The following FCHSD2 variants were observed in gnomAD, a reference collection of about 807,000 sequenced individuals.
The protein encoded by FCHSD2 is FCH and double SH3 domains 2.
In FCHSD2, 38 loss-of-function variants were observed where a neutral mutation model predicts 108.1. The ratio of observed to expected loss-of-function variants is 0.35; its 90% CI spans 0.27 to 0.46. The LOEUF (loss-of-function observed/expected upper bound fraction) is 0.46. Among genes scored for constraint, FCHSD2 ranks in the 20% least tolerant of loss-of-function variants. The probability of loss-of-function intolerance (pLI) is 1.00; values close to 1 mark genes in which losing one functional copy is unlikely to be tolerated. For missense variants in FCHSD2, 751 were observed against 897.8 expected (o/e 0.84, Z 2.09); for synonymous variants, 279 against 314.7 (o/e 0.89, Z 1.20).
At chr11:73,137,344 A>G (rs1861142982) in intron 2 of FCHSD2, among the ~76,000 whole-genome samples, 1 of 152,192 alleles carries the variant, frequency 6.6e-6, no homozygotes, top group Non-Finnish European at 1.5e-5. Flanking sequence ...AAAACCTGTT[A>G]ATCCTTGGAG....
In FCHSD2 at chr11:72,887,718, A is replaced by G. The variant is rs1855227955; in HGVS notation, c.1042-144T>C. The G allele has an allele frequency of 1.8e-5, 10 of 545,752 alleles. No homozygotes were observed. The East Asian group carries it at 3.6e-4, about 20-fold the overall frequency. The allele number at this position is 545,752 out of a possible 1,614,324, so 33.8% of individuals were successfully genotyped here. A position where few individuals can be genotyped will look rare whatever the true frequency, so the allele number is the denominator to read the frequency against. ...ATTTATTTATTTTTTGAACATTTTG[A>G]AATAATTATAGACTTACTAGTAACA... On this transcript the variant is annotated intron_variant, in intron 11 of 19. Transcript: ENST00000409418.
At chr11:73,058,498 T>C (rs771683163) in intron 3 of FCHSD2, among the ~76,000 whole-genome samples, 3 of 152,070 alleles carry the variant, frequency 2.0e-5, no homozygotes, top group Non-Finnish European at 2.9e-5. Flanking sequence ...ATAGTTAAAT[T>C]AGGGAAAGGC....
At chr11:73,070,264 T>C (rs182222664) in intron 3 of FCHSD2, among the ~76,000 whole-genome samples, 170 of 152,342 alleles carry the variant, frequency 1.1e-3, no homozygotes, top group Non-Finnish European at 1.9e-3. Context: ...TTATATGGCA[T>C]AGGCCCTGTC....
chr11:72,996,564 C>A (rs1857522401), intron 5 of FCHSD2, among the ~76,000 whole-genome samples: 1 of 152,024 alleles, frequency 6.6e-6, no homozygotes, highest in African/African-American at 2.4e-5. Context: ...TTCTCATAAT[C>A]CTCATTATAA....
chr11:72,944,380 G>A lies in FCHSD2; in HGVS notation c.706-22430C>T, dbSNP rs1336179617. Among the ~76,000 whole-genome samples, 4 of 152,164 alleles carry A rather than the reference G, an allele frequency of 2.6e-5. No homozygotes were observed. In the East Asian group the frequency reaches 7.7e-4, roughly 29 times the overall value. On this transcript the variant is annotated intron_variant, in intron 8 of 19. Transcript: ENST00000409418. ...CATTCTAAAAACTCTCAATAAATTA[G>A]GTATTGATGGGACGTATCTCAAAAT...
intron 3 of FCHSD2, among the ~76,000 whole-genome samples, chr11:73,041,268 C>G (rs1483814212): frequency 6.6e-6 from 1 of 152,076 alleles, no homozygotes; most frequent in South Asian, 2.1e-4. Flanking sequence ...CTGGATCATA[C>G]GGTAGTTCTA....
At position 72,961,616 on chromosome 11, in the gene FCHSD2, A is replaced by G. The variant is rs145197131; in HGVS notation, c.705+22472T>C. Among the ~76,000 whole-genome samples, 19 of 152,284 alleles carry G rather than the reference A, an allele frequency of 1.2e-4. No homozygotes were observed. In the East Asian group the frequency reaches 3.5e-3, roughly 28 times the overall value. On this transcript the variant is annotated intron_variant, in intron 8 of 19. Transcript: ENST00000409418. ...ATGGATACTTTTGAGAAATGAATCT[A>G]AAGTGACTTGAAGACAGCAATTCCC...
rs189800067 is a variant in FCHSD2, at chr11:72,858,155, A to G, written c.1309-8266T>C. Among the ~76,000 whole-genome samples the G allele has an allele frequency of 7.2e-3, 1,102 of 152,354 alleles. 5 individuals carry two copies. The highest frequency in any genetic ancestry group is 0.014 in the Middle Eastern group (4 of 294). ...TAAAGAATCTGGTAATACCTAATAC[A>G]GAGGAAGACAGCTCCTCAATATTTA... On this transcript the variant is annotated intron_variant, in intron 13 of 19. Coordinates refer to ENST00000409418, the MANE Select transcript of FCHSD2 (RefSeq NM_014824.3).
intron 8 of FCHSD2, among the ~76,000 whole-genome samples, chr11:72,927,405 G>C (rs1227517082): frequency 2.6e-5 from 4 of 152,206 alleles, no homozygotes; most frequent in Non-Finnish European, 5.9e-5. Flanking sequence ...TGATGATGGT[G>C]TCAGTGTAGG....
intron 3 of FCHSD2, among the ~76,000 whole-genome samples, chr11:73,058,630 C>T: frequency 7.0e-6 from 1 of 143,564 alleles, no homozygotes. Context: ...GAGTCTTGCT[C>T]TGTCGCCCAG....
chr11:73,104,166 G>A (rs1860287086), intron 2 of FCHSD2, among the ~76,000 whole-genome samples: 1 of 152,198 alleles, frequency 6.6e-6, no homozygotes, highest in African/African-American at 2.4e-5. Context: ...CTGCCACTTG[G>A]CATTAGTGAG....
intron 1 of FCHSD2, among the ~76,000 whole-genome samples, 171 bp downstream of exon 1, chr11:73,141,686 G>A (rs1319738431): frequency 6.6e-6 from 1 of 152,208 alleles, no homozygotes; most frequent in Non-Finnish European, 1.5e-5. Flanking sequence ...CTGTCGGAAA[G>A]GCAACTCACA....
intron 2 of FCHSD2, among the ~76,000 whole-genome samples, chr11:73,119,930 A>T (rs1860691768): frequency 6.6e-6 from 1 of 152,210 alleles, no homozygotes; most frequent in South Asian, 2.1e-4. Context: ...CAAAAGAAAG[A>T]AGTTTAATTG....
intron 13 of FCHSD2, among the ~76,000 whole-genome samples, chr11:72,854,430 C>CCTAT (rs1371841512): frequency 1.3e-5 from 2 of 152,162 alleles, no homozygotes; most frequent in South Asian, 2.1e-4. Context: ...TGTCTGTCTA[C>CCTAT]CTATCTGTCT....
chr11:72,966,098 C>A (rs2135378830), intron 8 of FCHSD2, among the ~76,000 whole-genome samples: 1 of 151,564 alleles, frequency 6.6e-6, no homozygotes, highest in East Asian at 1.9e-4. Context: ...ATATAACTAC[C>A]AGCGTGATGG....
intron 3 of FCHSD2, among the ~76,000 whole-genome samples, chr11:73,064,350 G>A (rs1043372837): frequency 6.6e-6 from 1 of 152,018 alleles, no homozygotes; most frequent in African/African-American, 2.4e-5. Flanking sequence ...ATCTAAAATT[G>A]ATACCCTAAC....
At chr11:72,907,812 C>T (rs1359964791) in intron 9 of FCHSD2, among the ~76,000 whole-genome samples, 2 of 152,000 alleles carry the variant, frequency 1.3e-5, no homozygotes, top group Non-Finnish European at 2.9e-5. Context: ...CCAGGATGGT[C>T]TCGATCTCCT....
At chr11:72,896,247 T>C (rs1279032219) in intron 10 of FCHSD2, among the ~76,000 whole-genome samples, 3 of 152,178 alleles carry the variant, frequency 2.0e-5, no homozygotes, top group African/African-American at 7.2e-5. Flanking sequence ...GATCTTGTTA[T>C]TTGCTGTTCA....
At position 72,985,080 on chromosome 11, in the gene FCHSD2, TA is replaced by T; in HGVS notation, c.557del (p.Leu186TyrfsTer6). 7.9e-7 allele frequency: 1 copy of T among 1,269,170 alleles called. No individual in the cohort carries two copies. Among genetic ancestry groups the T allele is most frequent in the Non-Finnish European group, 1.1e-6 (1 of 893,324 alleles). The allele number at this position is 1,269,170 out of a possible 1,614,324, so 78.6% of individuals were successfully genotyped here. ...AACTTACCTTTACACTTGCCTTCTG[TA>T]AACTGATTCTTGATTGAAAAAGACT... ...KLSLFQSRISLQKASVKLKAR... is the reference protein window; with the variant it reads ...KLSLFQSRISXQKASVKLKAR... On this transcript the variant is annotated frameshift_variant, in exon 7 of 20. Coordinates refer to ENST00000409418, the MANE Select transcript of FCHSD2 (RefSeq NM_014824.3). LOFTEE classifies it high-confidence loss of function.
Sources: gnomAD v4.1 joint callset for allele counts (sites outside exome capture counted in the v4.1 genomes callset) on GRCh38, gnomAD v4.1.1 for gene constraint, MANE v1.5 for transcripts, NCBI Gene and HGNC (gene_info 2026-07-23, HGNC 2026-07-21) for gene names.